The following CFTR variants were observed in gnomAD, a reference collection of about 807,000 sequenced individuals.
The protein encoded by CFTR is CF transmembrane conductance regulator.
Under a neutral mutation model 171.6 loss-of-function variants are expected in CFTR, and 181 were observed. The ratio of observed to expected loss-of-function variants is 1.05; its 90% CI spans 0.93 to 1.19. The LOEUF (loss-of-function observed/expected upper bound fraction) is 1.19, where lower values mean the gene tolerates loss of function less well. Among genes scored for constraint, CFTR ranks in the 50% most tolerant of loss-of-function variants. The pLI, the probability that CFTR is intolerant of heterozygous loss-of-function variation, is 0.00. For missense variants in CFTR, 1,968 were observed against 1,734.7 expected (o/e 1.13, Z -2.39); for synonymous variants, 583 against 608.0 (o/e 0.96, Z 0.60).
chr7:117,610,395 TAAAA>T lies in CFTR; in HGVS notation c.2989-119_2989-116del, dbSNP rs983009951. On this transcript the variant is annotated intron_variant, in intron 18 of 26. Transcript: ENST00000003084. ...AAAACTTAAAGTATAATAAAAAAAATAAAAAAAAGTTTGAGGTGTTTAAAGTATG... is the reference window on the plus strand; with the variant it reads ...AAAACTTAAAGTATAATAAAAAAAATAAAAGTTTGAGGTGTTTAAAGTATG... 9 of 778,636 alleles carry T rather than the reference TAAAA, an allele frequency of 1.2e-5. No individual in the cohort carries two copies. In the African/African-American group the frequency reaches 1.2e-4, roughly 10 times the overall value. 48.2% of individuals were successfully genotyped at this position (778,636 alleles called of 1,614,324 possible). A position where few individuals can be genotyped will look rare whatever the true frequency, so the allele number is the denominator to read the frequency against.
At chr7:117,653,001 C>T (rs925043401) in intron 24 of CFTR, 70 bp downstream of exon 24, 1 of 913,870 alleles carries the variant, frequency 1.1e-6, no homozygotes. Context: ...ATATAGCTGA[C>T]ATCATTCTAC....
intron 3 of CFTR, among the ~76,000 whole-genome samples, chr7:117,519,850 A>G (rs934557776): frequency 2.0e-5 from 3 of 151,874 alleles, no homozygotes; most frequent in South Asian, 2.1e-4. Flanking sequence ...TTTTATTACT[A>G]TAAAAGGTCC....
intron 1 of CFTR, among the ~76,000 whole-genome samples, chr7:117,483,703 T>TG (rs1798031050): frequency 1.3e-5 from 2 of 151,798 alleles, no homozygotes; most frequent in Non-Finnish European, 2.9e-5. Flanking sequence ...GGTCTTCAGG[T>TG]GTACAGGTGT....
intron 10 of CFTR, among the ~76,000 whole-genome samples, chr7:117,551,479 C>T (rs1183497058): frequency 6.6e-6 from 1 of 152,058 alleles, no homozygotes; most frequent in Non-Finnish European, 1.5e-5. Context: ...TGTTACTTTA[C>T]TGATAAAGTA....
chr7:117,601,452 A>G (rs1792223609), intron 15 of CFTR, among the ~76,000 whole-genome samples: 1 of 152,130 alleles, frequency 6.6e-6, no homozygotes, highest in Non-Finnish European at 1.5e-5. Flanking sequence ...ACTAAAACTT[A>G]TATACCTCAT....
intron 3 of CFTR, among the ~76,000 whole-genome samples, chr7:117,514,682 G>A (rs1054947717): frequency 6.6e-5 from 10 of 152,128 alleles, no homozygotes; most frequent in Non-Finnish European, 1.2e-4. Flanking sequence ...CCAGTAATGA[G>A]ATTGCTGGGT....
At chr7:117,617,806 C>T (rs1331066923) in intron 21 of CFTR, among the ~76,000 whole-genome samples, 1 of 152,092 alleles carries the variant, frequency 6.6e-6, no homozygotes, top group Non-Finnish European at 1.5e-5. Flanking sequence ...ATTTCTTTGA[C>T]CTACATATAG....
At chr7:117,581,194 T>A (rs1468203672) in intron 11 of CFTR, among the ~76,000 whole-genome samples, 6 of 152,142 alleles carry the variant, frequency 3.9e-5, no homozygotes, top group Non-Finnish European at 8.8e-5. Context: ...CCCTTAAGAA[T>A]CCTAGCCTTT....
chr7:117,638,407 A>G (rs1792859522), intron 22 of CFTR, among the ~76,000 whole-genome samples: 1 of 152,124 alleles, frequency 6.6e-6, no homozygotes, highest in Non-Finnish European at 1.5e-5. Flanking sequence ...TGCATAGCTT[A>G]TATCTACTTC....
At chr7:117,664,449 A>G (rs1198356518) in intron 24 of CFTR, among the ~76,000 whole-genome samples, 1 of 152,196 alleles carries the variant, frequency 6.6e-6, no homozygotes, top group African/African-American at 2.4e-5. Flanking sequence ...ATAGACACTC[A>G]TTGAAAGTTT....
chr7:117,608,580 T>C (rs748341941), intron 18 of CFTR, among the ~76,000 whole-genome samples: 2 of 152,208 alleles, frequency 1.3e-5, no homozygotes, highest in Non-Finnish European at 2.9e-5. Flanking sequence ...AGGTCTTTTA[T>C]ATTAATTTAC....
chr7:117,502,168 C>T (rs911084317), intron 1 of CFTR, among the ~76,000 whole-genome samples: 3 of 152,184 alleles, frequency 2.0e-5, no homozygotes, highest in East Asian at 1.9e-4. Flanking sequence ...AGGCTCCTCT[C>T]CCAGCTGTCT....
At chr7:117,589,139 T>C (rs960136007) in intron 12 of CFTR, among the ~76,000 whole-genome samples, 8 of 152,032 alleles carry the variant, frequency 5.3e-5, no homozygotes, top group African/African-American at 1.7e-4. Context: ...GAATGTGTAA[T>C]GTGTTGTCCA....
intron 10 of CFTR, among the ~76,000 whole-genome samples, chr7:117,558,540 T>C (rs1202316789): frequency 2.1e-5 from 3 of 146,076 alleles, no homozygotes; most frequent in Non-Finnish European, 4.5e-5. Flanking sequence ...GGTGACAGAG[T>C]GAGACTCTGT....
chr7:117,500,414 G>A (rs1040640957), intron 1 of CFTR, among the ~76,000 whole-genome samples: 5 of 150,654 alleles, frequency 3.3e-5, no homozygotes, highest in Non-Finnish European at 5.9e-5. Context: ...AGCCTCCCGC[G>A]TAGCTGGGAT....
chr7:117,587,850 TG>T lies in CFTR; in HGVS notation c.1679+19del. ...TTTAGCAAGGTGAATAACTAATTAT[TG>T]GTCTAGCAAGCATTTGCTGTAAATG... is the stretch of plus-strand genomic sequence containing the variant. On this transcript the variant is annotated intron_variant, in intron 12 of 26. Coordinates refer to ENST00000003084, the MANE Select transcript of CFTR (RefSeq NM_000492.4). 3 of 1,431,238 alleles carry T rather than the reference TG, an allele frequency of 2.1e-6. No individual in the cohort carries two copies. The highest frequency in any genetic ancestry group is 3.0e-6 in the Non-Finnish European group (3 of 1,013,520). 88.7% of individuals were successfully genotyped at this position (1,431,238 alleles called of 1,614,324 possible). A position where few individuals can be genotyped will look rare whatever the true frequency, so the allele number is the denominator to read the frequency against.
chr7:117,575,804 T>C (rs1223659147), intron 11 of CFTR, among the ~76,000 whole-genome samples: 1 of 152,152 alleles, frequency 6.6e-6, no homozygotes, highest in African/African-American at 2.4e-5. Flanking sequence ...AATAAATCCA[T>C]GCACATTTAA....
At chr7:117,541,939 A>G in intron 8 of CFTR, 77 bp from the exon 9 acceptor site, 1 of 645,440 alleles carries the variant, frequency 1.5e-6, no homozygotes, top group Non-Finnish European at 2.9e-6. Context: ...TAGCACAATG[A>G]GAGTATAAAG....
chr7:117,636,717 G>A (rs1425813197), intron 22 of CFTR, among the ~76,000 whole-genome samples: 2 of 151,256 alleles, frequency 1.3e-5, no homozygotes, highest in African/African-American at 4.9e-5. Context: ...CAGAATTTTT[G>A]ACCTATAGAA....
Sources: allele counts gnomAD v4.1 joint callset (sites outside exome capture counted in the v4.1 genomes callset), GRCh38; gene constraint gnomAD v4.1.1; transcripts MANE v1.5; gene names NCBI Gene and HGNC (gene_info 2026-07-23, HGNC 2026-07-21).